The following PLB1 variants were observed in gnomAD, a reference collection of about 807,000 sequenced individuals.
The protein encoded by PLB1 is phospholipase B1.
In PLB1, 242 loss-of-function variants were observed where a neutral mutation model predicts 227.4. The ratio of observed to expected loss-of-function variants is 1.06; its 90% CI spans 0.96 to 1.18. The LOEUF is 1.18. Among genes scored for constraint, PLB1 ranks in the 50% most tolerant of loss-of-function variants. The pLI, the probability that PLB1 is intolerant of heterozygous loss-of-function variation, is 0.00. For synonymous variants in PLB1, 757 were observed against 682.2 expected (o/e 1.11, Z -1.71); for missense variants, 1,858 against 1,816.3 (o/e 1.02, Z -0.42).
At chr2:28,541,665 G>T in intron 12 of PLB1, 42 bp from the exon 13 acceptor site, 1 of 1,518,082 alleles carries the variant, frequency 6.6e-7, no homozygotes, top group Non-Finnish European at 9.1e-7. Context: ...GCTCTGCCTC[G>T]CTCATGTTCC....
chr2:28,594,279 G>C, intron 33 of PLB1: 1 of 267,466 alleles, frequency 3.7e-6, no homozygotes, highest in Non-Finnish European at 7.6e-6. Context: ...AATTCGACAA[G>C]AGGAAAGGGT....
At chr2:28,528,138 C>T (rs1307578679) in intron 6 of PLB1, among the ~76,000 whole-genome samples, 1 of 152,230 alleles carries the variant, frequency 6.6e-6, no homozygotes, top group Non-Finnish European at 1.5e-5. Context: ...GCCAAGTGAC[C>T]AGTCCCCTGA....
intron 33 of PLB1, chr2:28,594,136 GTTGT>G: frequency 3.9e-6 from 2 of 512,584 alleles, no homozygotes; most frequent in Admixed American, 4.5e-5. Context: ...GTTTATTCAT[GTTGT>G]CTTGTAGTCA....
intron 4 of PLB1, among the ~76,000 whole-genome samples, chr2:28,521,183 C>A (rs1669486192): frequency 1.3e-5 from 2 of 152,310 alleles, no homozygotes; most frequent in South Asian, 4.1e-4. Flanking sequence ...CGTCAGTGGA[C>A]ACTTGGGTTG....
At chr2:28,498,082 A>G (rs1666679351) in intron 1 of PLB1, among the ~76,000 whole-genome samples, 1 of 151,692 alleles carries the variant, frequency 6.6e-6, no homozygotes, top group Non-Finnish European at 1.5e-5. Context: ...TATCTTAAAT[A>G]ACTCCTCTCC....
chr2:28,603,488 T>G (rs11686491), intron 39 of PLB1, among the ~76,000 whole-genome samples: 23,356 of 152,110 alleles, frequency 0.15, 2,268 homozygotes, highest in East Asian at 0.47. Context: ...GAAATCTCTC[T>G]CTTAAGTAGA....
In PLB1 at chr2:28,604,730, T is replaced by C. The variant is rs777836566; in HGVS notation, c.2932T>C (p.Phe978Leu). 3.1e-6 allele frequency: 5 copies of C among 1,614,032 alleles called. No individual in the cohort carries two copies. In the South Asian group the frequency reaches 5.5e-5, roughly 18 times the overall value. The change falls in exon 41 of 58, where the codon TTC becomes CTC. Residue 978 changes from phenylalanine to leucine, a missense_variant. Coordinates refer to ENST00000327757, the MANE Select transcript of PLB1 (RefSeq NM_153021.5). ...CTTCTCTGTGGTGCTGCAGCCCTTC[T>C]TCCAGAACATCCAGCTCCCTGTCCT... Reference protein sequence around the residue: ...EDFSVVLQPFFQNIQLPVLAD... With the variant: ...EDFSVVLQPFLQNIQLPVLAD...
intron 11 of PLB1, among the ~76,000 whole-genome samples, chr2:28,539,975 C>T (rs1344664193): frequency 6.7e-6 from 1 of 149,806 alleles, no homozygotes; most frequent in Admixed American, 6.6e-5. Context: ...TTCCCTCCAT[C>T]CCATACCCAC....
At chr2:28,632,221 C>CTTTTT in intron 55 of PLB1, 81 bp downstream of exon 55, 6 of 898,220 alleles carry the variant, frequency 6.7e-6, no homozygotes, top group Non-Finnish European at 8.3e-6. Context: ...TCTAAGTGGG[C>CTTTTT]TTTTTTTTTT....
intron 25 of PLB1, among the ~76,000 whole-genome samples, chr2:28,583,746 T>A (rs576780733): frequency 6.6e-6 from 1 of 152,198 alleles, no homozygotes; most frequent in African/African-American, 2.4e-5. Flanking sequence ...TAATGGCTCA[T>A]GTGGGGCTAA....
chr2:28,589,476 T>A lies in PLB1; in HGVS notation c.1842T>A (p.Ser614Arg). Residue 614 changes from serine (S) to arginine (R), a missense_variant, in exon 27 of 58, where the codon AGT (serine) becomes AGA (arginine). By Grantham distance (110) the Ser-to-Arg change is moderately radical (BLOSUM62 -1). Coordinates refer to ENST00000327757, the MANE Select transcript of PLB1 (RefSeq NM_153021.5). ...FQEKTHQLIE[S>R]GRYDTREDFT... ...AGAAGACCCACCAACTGATTGAGAG[T>A]GGGCGATATGACACAAGGGAAGATT... 1 of 1,614,024 alleles carries A rather than the reference T, an allele frequency of 6.2e-7. No homozygotes were observed.
At chr2:28,588,599 G>GGAAT (rs1187448600) in intron 26 of PLB1, among the ~76,000 whole-genome samples, 1 of 152,144 alleles carries the variant, frequency 6.6e-6, no homozygotes, top group Non-Finnish European at 1.5e-5. Context: ...GGTGAGCAGT[G>GGAAT]GAATGGCTGA....
intron 20 of PLB1, among the ~76,000 whole-genome samples, chr2:28,571,312 T>A (rs1677978132): frequency 6.6e-6 from 1 of 152,134 alleles, no homozygotes; most frequent in South Asian, 2.1e-4. Context: ...ATTAAAGACC[T>A]AAATAAGTAG....
At chr2:28,534,785 C>T (rs1671460486) in intron 9 of PLB1, among the ~76,000 whole-genome samples, 1 of 151,838 alleles carries the variant, frequency 6.6e-6, no homozygotes. Flanking sequence ...ACCCAGGAGA[C>T]AGAGGTTGCA....
At chr2:28,578,052 A>AG (rs1679287603) in intron 21 of PLB1, 55 bp from the exon 22 acceptor site, 1 of 1,553,038 alleles carries the variant, frequency 6.4e-7, no homozygotes, top group Non-Finnish European at 8.9e-7. Flanking sequence ...CTCTCTGCTA[A>AG]GGGCCCCTGC....
At chr2:28,538,614 C>T (rs8179651) in intron 10 of PLB1, among the ~76,000 whole-genome samples, 130,592 of 151,822 alleles carry the variant, frequency 0.86, 57,034 homozygotes, top group East Asian at 0.99. Flanking sequence ...TCCTTGAGTC[C>T]TCGGTGGCCC....
Position 28,598,035 on chromosome 2 carries a change from G to A in PLB1, c.2352G>A (p.Val784=), listed in dbSNP as rs1313000695. Reference sequence around the variant, plus strand: ...GAGGGGACGGCTCCCTGGAGAATGTGACCACCTTACCTAGTAAGTAACCAT... The same window carrying A: ...GAGGGGACGGCTCCCTGGAGAATGTAACCACCTTACCTAGTAAGTAACCAT... ...SAGGDGSLEN[V]TTLPNILREF... Residue 784 remains valine, a synonymous_variant, in exon 34 of 58, where the codon GTG becomes GTA. Transcript: ENST00000327757. 6.2e-7 allele frequency: 1 copy of A among 1,613,096 alleles called. No individual in the cohort carries two copies. The highest frequency in any genetic ancestry group is 1.3e-5 in the African/African-American group (1 of 74,852).
Position 28,589,521 on chromosome 2 carries a change from G to GT in PLB1, c.1889dup (p.Phe631LeufsTer2). 1 of 1,614,150 alleles carries GT rather than the reference G, an allele frequency of 6.2e-7. No individual in the cohort carries two copies. The highest frequency in any genetic ancestry group is 1.7e-5 in the Admixed American group (1 of 60,000). ...AAGATTTTACTGTGGTTGTGCAGCC[G>GT]TTCTTTGAAAACGTGGACATGCCAA... On this transcript the variant is annotated frameshift_variant, in exon 27 of 58. Coordinates refer to ENST00000327757, the MANE Select transcript of PLB1 (RefSeq NM_153021.5). LOFTEE classifies it high-confidence loss of function.
chr2:28,579,638 T>A lies in PLB1; in HGVS notation c.1497T>A (p.Phe499Leu), dbSNP rs779613548. 7 of 1,612,156 alleles carry A rather than the reference T, an allele frequency of 4.3e-6. No homozygotes were observed. In the Admixed American group the frequency reaches 1.0e-4, roughly 23 times the overall value. ...TCTATTCATTTCAGAGGATACACTT[T>A]CAGGAAGACTGGAAGATAATAACCC... The part of the protein sequence containing the change: ...DLMKNDTRIH[F>L]QEDWKIITLF... The change falls in exon 23 of 58, where the codon TTT (phenylalanine) becomes TTA (leucine). Residue 499 changes from phenylalanine (F) to leucine (L), a missense_variant. By Grantham distance (22) the Phe-to-Leu change is conservative (BLOSUM62 0). Transcript: ENST00000327757.
Sources: gnomAD v4.1 joint callset for allele counts (sites outside exome capture counted in the v4.1 genomes callset) on GRCh38, gnomAD v4.1.1 for gene constraint, MANE v1.5 for transcripts, NCBI Gene and HGNC (gene_info 2026-07-23, HGNC 2026-07-21) for gene names.